HS3ST3A1: variants seen among roughly 807,000 people sequenced by gnomAD.
HS3ST3A1 encodes the protein heparan sulfate glucosamine 3-O-sulfotransferase 3A1.
Under a neutral mutation model 25.7 loss-of-function variants are expected in HS3ST3A1, and 19 were observed. The ratio of observed to expected loss-of-function variants is 0.74; its 90% CI spans 0.52 to 1.08. The LOEUF is 1.08. HS3ST3A1 is among the 50% of genes least tolerant of loss of function. The pLI, the probability that HS3ST3A1 is intolerant of heterozygous loss-of-function variation, is 0.00. For synonymous variants in HS3ST3A1, 226 were observed against 278.6 expected (o/e 0.81, Z 1.88); for missense variants, 459 against 594.3 (o/e 0.77, Z 2.37).
At chr17:13,542,671 C>T (rs974130028) in intron 1 of HS3ST3A1, among the ~76,000 whole-genome samples, 2 of 152,014 alleles carry the variant, frequency 1.3e-5, no homozygotes, top group Non-Finnish European at 2.9e-5. Context: ...CTTCCTGTTT[C>T]CTGGCTCATC....
intron 1 of HS3ST3A1, among the ~76,000 whole-genome samples, chr17:13,530,652 T>C (rs950039059): frequency 2.6e-5 from 4 of 152,228 alleles, no homozygotes; most frequent in Admixed American, 2.6e-4. Context: ...TTTGTAAGAC[T>C]TGGGGGAGCC....
chr17:13,568,401 G>T (rs1268354884), intron 1 of HS3ST3A1, among the ~76,000 whole-genome samples: 1 of 152,122 alleles, frequency 6.6e-6, no homozygotes, highest in East Asian at 1.9e-4. Context: ...AGCAGAACCT[G>T]CAAGATCTCT....
At chr17:13,560,854 A>G (rs944200953) in intron 1 of HS3ST3A1, among the ~76,000 whole-genome samples, 1 of 152,204 alleles carries the variant, frequency 6.6e-6, no homozygotes, top group Non-Finnish European at 1.5e-5. Context: ...GGGAAATTAA[A>G]GTGACATTCC....
intron 1 of HS3ST3A1, among the ~76,000 whole-genome samples, chr17:13,547,917 A>G (rs1907130493): frequency 1.5e-5 from 2 of 136,878 alleles, no homozygotes; most frequent in East Asian, 2.3e-4. Context: ...TGGTGTCTGG[A>G]GAGTTGGAGA....
chr17:13,571,769 T>C (rs893275527), intron 1 of HS3ST3A1, among the ~76,000 whole-genome samples: 2 of 152,202 alleles, frequency 1.3e-5, no homozygotes, highest in Non-Finnish European at 2.9e-5. Context: ...TTGTTGTTGT[T>C]GTTGTTTTGA....
At chr17:13,511,440 T>C (rs1905857675) in intron 1 of HS3ST3A1, among the ~76,000 whole-genome samples, 1 of 152,150 alleles carries the variant, frequency 6.6e-6, no homozygotes, top group African/African-American at 2.4e-5. Flanking sequence ...GCTTATCCAG[T>C]GCTTCCTATC....
At chr17:13,580,349 A>G (rs943050605) in intron 1 of HS3ST3A1, among the ~76,000 whole-genome samples, 2 of 152,186 alleles carry the variant, frequency 1.3e-5, no homozygotes, top group Non-Finnish European at 2.9e-5. Flanking sequence ...GACTTTGAAA[A>G]AGCCCTAGTG....
In HS3ST3A1 at chr17:13,600,680, C is replaced by A; in HGVS notation, c.450G>T (p.Lys150Asn). Residue 150 changes from lysine (K) to asparagine (N), a missense_variant, in exon 1 of 2, where the codon AAG becomes AAT. Physicochemically the swap from Lys to Asn is moderately conservative, Grantham distance 94. Coordinates refer to ENST00000284110, the MANE Select transcript of HS3ST3A1 (RefSeq NM_006042.3). ...TLALLLDEGS[K>N]QLPQAIIIGV... ...CGATGATGATGGCCTGCGGCAGCTG[C>A]TTGCTGCCTTCGTCCAGGAGCAGCG... The A allele has an allele frequency of 6.3e-7, 1 of 1,584,074 alleles. No individual in the cohort carries two copies.
At chr17:13,594,210 G>A (rs1908514740) in intron 1 of HS3ST3A1, among the ~76,000 whole-genome samples, 1 of 152,162 alleles carries the variant, frequency 6.6e-6, no homozygotes, top group South Asian at 2.1e-4. Flanking sequence ...AACAGGGAAT[G>A]CTAACCTTGG....
At chr17:13,600,428 G>T (rs1248219592) in intron 1 of HS3ST3A1, 103 bp downstream of exon 1, 10 of 1,418,530 alleles carry the variant, frequency 7.0e-6, no homozygotes, top group Non-Finnish European at 9.2e-6. Context: ...TCTGCATGAA[G>T]TGGGGAGGAG....
rs1448861214 is a variant in HS3ST3A1 at position 13,496,517 on chromosome 17, G to A, written c.901C>T (p.His301Tyr). 1 of 1,476,866 alleles carries A rather than the reference G, an allele frequency of 6.8e-7. No individual in the cohort carries two copies. The highest frequency in any genetic ancestry group is 1.9e-5 in the Admixed American group (1 of 51,400). The allele number at this position is 1,476,866 out of a possible 1,614,324, so 91.5% of individuals were successfully genotyped here. A position where few individuals can be genotyped will look rare whatever the true frequency, so the allele number is the denominator to read the frequency against. ...AAGAGCATCTGGCGGATGGGGAAGT[G>A]GCGCAGCCAGTGCTCCAGGTGCTTG... is the stretch of plus-strand genomic sequence containing the variant. ...YAKHLEHWLR[H>Y]FPIRQMLFVS... Residue 301 changes from histidine (H) to tyrosine (Y), a missense_variant, in exon 2 of 2, where the codon CAC (histidine) becomes TAC (tyrosine). By Grantham distance (83) the His-to-Tyr change is moderately conservative. Transcript: ENST00000284110.
chr17:13,591,920 A>C (rs975532234), intron 1 of HS3ST3A1, among the ~76,000 whole-genome samples: 2 of 152,146 alleles, frequency 1.3e-5, no homozygotes, highest in Non-Finnish European at 2.9e-5. Flanking sequence ...TCTGTCTCCC[A>C]AAGTGCCGGG....
chr17:13,496,923 A>AC, intron 1 of HS3ST3A1, 105 bp from the exon 2 acceptor site: 5 of 1,468,120 alleles, frequency 3.4e-6, no homozygotes, highest in East Asian at 2.3e-5. Flanking sequence ...AGCCCCCGCA[A>AC]CCCCCCACTT....
intron 1 of HS3ST3A1, among the ~76,000 whole-genome samples, chr17:13,586,325 G>A (rs920106939): frequency 6.6e-6 from 1 of 151,506 alleles, no homozygotes; most frequent in Non-Finnish European, 1.5e-5. Context: ...TCTATCATCG[G>A]TCCTCTAGAT....
At chr17:13,541,867 G>T (rs1001288480) in intron 1 of HS3ST3A1, among the ~76,000 whole-genome samples, 1 of 152,166 alleles carries the variant, frequency 6.6e-6, no homozygotes, top group Non-Finnish European at 1.5e-5. Flanking sequence ...ATCTTGACTT[G>T]CTGTGGTTTC....
rs71144977 is a variant in HS3ST3A1, at chr17:13,585,186, C to CTTTTTTTTTTTTTTTTTTTTTTTTTTTT, written c.599+15317_599+15344dup. ...CAATCTAAATACTCATTTTTCTGTG[C>CTTTTTTTTTTTTTTTTTTTTTTTTTTTT]TTTTTTTTTTTTTTTTTTTTTTTTT... On this transcript the variant is annotated intron_variant, in intron 1 of 1. Coordinates refer to ENST00000284110, the MANE Select transcript of HS3ST3A1 (RefSeq NM_006042.3). 3.6e-4 allele frequency among the ~76,000 whole-genome samples: 12 copies of CTTTTTTTTTTTTTTTTTTTTTTTTTTTT among 33,248 alleles called. 3 individuals carry two copies. The highest frequency in any genetic ancestry group is 2.8e-3 in the East Asian group (2 of 716). The allele number at this position is 33,248 out of a possible 152,430, so 21.8% of individuals were successfully genotyped here.
At chr17:13,528,852 A>G (rs1210651092) in intron 1 of HS3ST3A1, among the ~76,000 whole-genome samples, 2 of 151,690 alleles carry the variant, frequency 1.3e-5, no homozygotes, top group Non-Finnish European at 2.9e-5. Context: ...GGATGGACAC[A>G]TGCACAAAGG....
At chr17:13,570,454 A>T (rs1907773130) in intron 1 of HS3ST3A1, among the ~76,000 whole-genome samples, 1 of 152,192 alleles carries the variant, frequency 6.6e-6, no homozygotes, top group Admixed American at 6.5e-5. Flanking sequence ...TAATTCCAGC[A>T]TTGCTAGCAT....
intron 1 of HS3ST3A1, among the ~76,000 whole-genome samples, chr17:13,516,077 G>A (rs774935105): frequency 3.3e-5 from 5 of 152,126 alleles, no homozygotes; most frequent in Admixed American, 2.0e-4. Flanking sequence ...TTGGAAGGCC[G>A]AAGCGGGCGA....
Sources: gnomAD v4.1 joint callset for allele counts (sites outside exome capture counted in the v4.1 genomes callset) on GRCh38, gnomAD v4.1.1 for gene constraint, MANE v1.5 for transcripts, NCBI Gene and HGNC (gene_info 2026-07-23, HGNC 2026-07-21) for gene names.